TMEM131: variants seen among roughly 807,000 people sequenced by gnomAD.
TMEM131 encodes the protein transmembrane protein 131.
Under a neutral mutation model 211.6 loss-of-function variants are expected in TMEM131, and 66 were observed. That is an observed-to-expected ratio of 0.31 (90% confidence interval 0.26 to 0.38). The LOEUF (loss-of-function observed/expected upper bound fraction) is 0.38. TMEM131 is among the 10% of genes least tolerant of loss of function. The probability of loss-of-function intolerance (pLI) is 1.00; values close to 1 mark genes in which losing one functional copy is unlikely to be tolerated. For synonymous variants in TMEM131, 844 were observed against 841.3 expected, an observed-to-expected ratio of 1.00 and a Z score of -0.06; for missense variants, 2,036 against 2,299.3, an observed-to-expected ratio of 0.89 and a Z score of 2.34.
intron 5 of TMEM131, among the ~76,000 whole-genome samples, chr2:97,855,387 A>AT (rs369645875): frequency 6.6e-6 from 1 of 152,166 alleles, no homozygotes; most frequent in Admixed American, 6.5e-5. Flanking sequence ...ATATACACAG[A>AT]TTTTTTGCTT....
chr2:97,854,248 T>C (rs1387900725), intron 5 of TMEM131, among the ~76,000 whole-genome samples: 1 of 152,218 alleles, frequency 6.6e-6, no homozygotes, highest in Non-Finnish European at 1.5e-5. Context: ...CAGCAGTTTT[T>C]AGCAATAAAG....
chr2:97,866,580 C>T (rs1001230318), intron 4 of TMEM131, among the ~76,000 whole-genome samples: 1 of 151,942 alleles, frequency 6.6e-6, no homozygotes, highest in Non-Finnish European at 1.5e-5. Flanking sequence ...GGCTCTTTTG[C>T]TAGTTTTTTT....
intron 3 of TMEM131, among the ~76,000 whole-genome samples, chr2:97,901,589 A>C (rs528511169): frequency 1.4e-4 from 22 of 152,294 alleles, no homozygotes; most frequent in Admixed American, 5.9e-4. Context: ...ACACAATGGA[A>C]TATTATTCAG....
Position 97,834,645 on chromosome 2 carries a change from C to T in TMEM131, c.988G>A (p.Asp330Asn), listed in dbSNP as rs757801230. The change falls in exon 10 of 41, where the codon GAT becomes AAT. Residue 330 changes from aspartate (D) to asparagine (N), a missense_variant. Asp to Asn is a conservative substitution (Grantham distance 23). Coordinates refer to ENST00000186436, the MANE Select transcript of TMEM131 (RefSeq NM_015348.2). ...PGIYSSTEMLDFGTLRTQDLP... is the reference protein window; with the variant it reads ...PGIYSSTEMLNFGTLRTQDLP... ...CCTTGTGTTCTTAGTGTACCAAAAT[C>T]TAACATTTCAGTTGAGGAATAAATT... 3 of 1,566,858 alleles carry T rather than the reference C, an allele frequency of 1.9e-6. No homozygotes were observed. The highest frequency in any genetic ancestry group is 2.0e-5 in the Admixed American group (1 of 49,822).
chr2:97,957,037 C>A (rs1678600579), intron 1 of TMEM131, among the ~76,000 whole-genome samples: 1 of 149,074 alleles, frequency 6.7e-6, no homozygotes, highest in South Asian at 2.1e-4. Context: ...GCGGAGGTTG[C>A]AGTAAGCCGA....
At chr2:97,985,088 A>T (rs1679965363) in intron 1 of TMEM131, among the ~76,000 whole-genome samples, 1 of 152,154 alleles carries the variant, frequency 6.6e-6, no homozygotes, top group South Asian at 2.1e-4. Context: ...ACTCTTTAAA[A>T]ATATAAGAAA....
intron 31 of TMEM131, among the ~76,000 whole-genome samples, chr2:97,778,800 CCTT>C (rs1679851721): frequency 2.0e-5 from 3 of 152,230 alleles, no homozygotes; most frequent in African/African-American, 7.2e-5. Context: ...ACCATGAACC[CCTT>C]CTTCTGACAA....
chr2:97,803,709 T>TA (rs1433468570), intron 22 of TMEM131, among the ~76,000 whole-genome samples: 1 of 152,162 alleles, frequency 6.6e-6, no homozygotes, highest in East Asian at 1.9e-4. Flanking sequence ...GCACTCAAGA[T>TA]AGACAGGGAG....
intron 4 of TMEM131, among the ~76,000 whole-genome samples, chr2:97,886,385 T>C (rs73960406): frequency 0.021 from 3,210 of 152,262 alleles, 118 homozygotes; most frequent in African/African-American, 0.073. Flanking sequence ...AGAAAAGTCA[T>C]TTCTTCCAAT....
At chr2:97,986,192 C>T (rs920665210) in intron 1 of TMEM131, among the ~76,000 whole-genome samples, 2 of 152,136 alleles carry the variant, frequency 1.3e-5, no homozygotes, top group Non-Finnish European at 2.9e-5. Context: ...AACAACGTGA[C>T]AACTTTATTG....
At position 97,805,157 on chromosome 2, in the gene TMEM131, T is replaced by A; in HGVS notation, c.2333A>T (p.Asp778Val). The A allele has an allele frequency of 1.9e-6, 3 of 1,613,912 alleles. No homozygotes were observed. The highest frequency in any genetic ancestry group is 1.1e-5 in the South Asian group (1 of 91,038). Residue 778 changes from aspartate to valine, a missense_variant, in exon 22 of 41, where the codon GAT becomes GTT. Around this residue, in one of 3 missense-constraint regions of TMEM131, gnomAD observed 1,623 missense variants for 1,805.9 expected, o/e 0.90. Transcript: ENST00000186436. ...GCTTTGATGCAAATCCCAGTCAGCA[T>A]CCCACATATCTTCCTGCATGGCTAC... is the stretch of plus-strand genomic sequence containing the variant. ...PGVAMQEDMW[D>V]ADWDLHQSLF...
intron 3 of TMEM131, 36 bp downstream of exon 3, chr2:97,908,622 C>G: frequency 1.3e-6 from 2 of 1,527,666 alleles, no homozygotes; most frequent in Non-Finnish European, 1.8e-6. Flanking sequence ...CAGAAGGAAC[C>G]GAAAGTATGT....
intron 4 of TMEM131, among the ~76,000 whole-genome samples, chr2:97,860,232 AC>A (rs1335022199): frequency 6.6e-6 from 1 of 152,092 alleles, no homozygotes; most frequent in African/African-American, 2.4e-5. Context: ...ATCTCACATG[AC>A]CCAACCTAAA....
In TMEM131 at chr2:97,809,801, A is replaced by G. The variant is rs371607792; in HGVS notation, c.1969-27T>C. 45 of 1,549,892 alleles carry G rather than the reference A, an allele frequency of 2.9e-5. No individual in the cohort carries two copies. In the African/African-American group the frequency reaches 5.3e-4, roughly 18 times the overall value. ...TGTGAAGTCAAGAAGATGATGATAG[A>G]TAAGTAGTTAAGACTTAGCCTGATC... is the stretch of plus-strand genomic sequence containing the variant. On this transcript the variant is annotated intron_variant, in intron 18 of 40. Transcript: ENST00000186436.
chr2:97,766,288 T>C (rs746431427), intron 34 of TMEM131, 25 bp from the exon 35 acceptor site: 1 of 1,613,420 alleles, frequency 6.2e-7, no homozygotes, highest in Non-Finnish European at 8.5e-7. Flanking sequence ...GAAAAGAACA[T>C]GGTTAATGGA....
Position 97,857,601 on chromosome 2 carries a change from A to G in TMEM131, c.483+1703T>C, listed in dbSNP as rs562402622. Among the ~76,000 whole-genome samples, 5 of 152,316 alleles carry G rather than the reference A, an allele frequency of 3.3e-5. No individual in the cohort carries two copies. The South Asian group carries it at 1.0e-3, about 32-fold the overall frequency. The stretch of plus-strand genomic sequence containing the variant: ...TTTTTACTTCACAATTTTGCCCTTT[A>G]ACCTAACCTGTCTCTGCATACTGAC... On this transcript the variant is annotated intron_variant, in intron 5 of 40. Coordinates refer to ENST00000186436, the MANE Select transcript of TMEM131 (RefSeq NM_015348.2).
intron 4 of TMEM131, among the ~76,000 whole-genome samples, chr2:97,873,411 TG>T (rs1438946587): frequency 3.4e-4 from 52 of 151,796 alleles, no homozygotes; most frequent in African/African-American, 1.3e-3. Flanking sequence ...AAGGTCAGAC[TG>T]CCTCCTCAAG....
chr2:97,767,304 A>G (rs962381118), intron 33 of TMEM131, among the ~76,000 whole-genome samples: 4 of 152,222 alleles, frequency 2.6e-5, no homozygotes, highest in East Asian at 1.9e-4. Context: ...CCAAAGCTCA[A>G]TAAGTGAGGT....
Position 97,772,431 on chromosome 2 carries a change from A to G in TMEM131, c.4321-7T>C. 1 of 1,609,434 alleles carries G rather than the reference A, an allele frequency of 6.2e-7. No individual in the cohort carries two copies. Among genetic ancestry groups the G allele is most frequent in the South Asian group, 1.1e-5 (1 of 89,302 alleles). ...CCTTTTGCTTTTCTGTATCCTGTAA[A>G]AAATGGACACTTAATTGCTGAGAAG... On this transcript the variant is annotated splice_region_variant and splice_polypyrimidine_tract_variant and intron_variant, in intron 32 of 40. Coordinates refer to ENST00000186436, the MANE Select transcript of TMEM131 (RefSeq NM_015348.2).
Sources: gnomAD v4.1 joint callset for allele counts (sites outside exome capture counted in the v4.1 genomes callset) on GRCh38, gnomAD v4.1.1 for gene constraint, gnomAD v4.1.1 regional missense constraint, MANE v1.5 for transcripts, NCBI Gene and HGNC (gene_info 2026-07-23, HGNC 2026-07-21) for gene names.